PCDHA1: variants seen among roughly 807,000 people sequenced by gnomAD.
PCDHA1 encodes protocadherin alpha 1, also known as protocadherin alpha-1.
PCDHA1 carries 42 observed loss-of-function variants against 61.3 expected under a neutral mutation model. The ratio of observed to expected loss-of-function variants is 0.69; its 90% CI spans 0.54 to 0.89. The LOEUF (loss-of-function observed/expected upper bound fraction) is 0.89. Among genes scored for constraint, PCDHA1 ranks in the 40% least tolerant of loss-of-function variants. The pLI is 0.00. For synonymous variants in PCDHA1, 610 were observed against 553.8 expected (o/e 1.10, Z -1.43); for missense variants, 1,256 against 1,235.3 (o/e 1.02, Z -0.25).
chr5:140,885,819 A>G (rs1488283542), intron 1 of PCDHA1, among the ~76,000 whole-genome samples: 1 of 152,032 alleles, frequency 6.6e-6, no homozygotes, highest in Non-Finnish European at 1.5e-5. Flanking sequence ...TTTGTATTTG[A>G]TCTTCTTTGA....
At chr5:140,840,195 GA>G (rs1173726690) in intron 1 of PCDHA1, among the ~76,000 whole-genome samples, 15 of 152,034 alleles carry the variant, frequency 9.9e-5, no homozygotes, top group African/African-American at 3.6e-4. Context: ...GTAGGCAAAG[GA>G]AAAGAAGTCA....
At chr5:140,843,344 G>T in intron 1 of PCDHA1, 1 of 1,596,078 alleles carries the variant, frequency 6.3e-7, no homozygotes, top group Non-Finnish European at 8.6e-7. Flanking sequence ...GAGCGGCCAG[G>T]CTCCAAAAGC....
intron 1 of PCDHA1, among the ~76,000 whole-genome samples, chr5:140,873,375 T>G (rs251375): frequency 0.44 from 67,180 of 152,024 alleles, 15,319 homozygotes; most frequent in South Asian, 0.58. Flanking sequence ...GAAGATCTTT[T>G]AAAGACTTGG....
chr5:140,800,250 T>C (rs920747845), intron 1 of PCDHA1, among the ~76,000 whole-genome samples: 2 of 152,154 alleles, frequency 1.3e-5, no homozygotes, highest in Non-Finnish European at 2.9e-5. Context: ...ATTCCCACAA[T>C]AGGAAACAAA....
intron 1 of PCDHA1, among the ~76,000 whole-genome samples, chr5:140,904,512 C>A (rs1251570223): frequency 2.0e-5 from 3 of 151,738 alleles, no homozygotes; most frequent in African/African-American, 7.3e-5. Flanking sequence ...GTGAATTGTG[C>A]TGCTATAAAC....
Position 140,974,189 on chromosome 5 carries a change from G to T in PCDHA1, c.2395-4760G>T, listed in dbSNP as rs146863475. On this transcript the variant is annotated intron_variant, in intron 1 of 3. Transcript: ENST00000504120. ...AGAATTTTAACTTGACAAATGCAAA[G>T]GAATATCCAACATTGCAAAGGTAAA... Among the ~76,000 whole-genome samples the T allele has an allele frequency of 7.6e-3, 1,163 of 152,258 alleles. 4 individuals carry two copies. The highest frequency in any genetic ancestry group is 0.014 in the Middle Eastern group (4 of 294).
intron 1 of PCDHA1, chr5:140,864,826 T>C (rs1297675845): frequency 6.6e-6 from 1 of 152,188 alleles, no homozygotes; most frequent in African/African-American, 2.4e-5. Flanking sequence ...ATTTGGGCTT[T>C]AAGTATAAGA....
At chr5:140,809,878 C>A in intron 1 of PCDHA1, 1 of 246,876 alleles carries the variant, frequency 4.1e-6, no homozygotes, top group Non-Finnish European at 7.7e-6. Context: ...TATTATTTAA[C>A]CTATTACATA....
intron 1 of PCDHA1, chr5:140,969,349 G>A (rs782345683): frequency 3.1e-5 from 50 of 1,612,958 alleles, no homozygotes; most frequent in Non-Finnish European, 4.2e-5. Context: ...AGTGGTCAGG[G>A]GGTCTTCTAC....
At position 140,875,233 on chromosome 5, in the gene PCDHA1, G is replaced by A. The variant is rs1379502066; in HGVS notation, c.2394+86549G>A. Reference sequence around the variant, plus strand: ...CGAAAAGAACCTCAGGATCTTTCTTGTACTTACATAATCAGTCACATGATG... The same window carrying A: ...CGAAAAGAACCTCAGGATCTTTCTTATACTTACATAATCAGTCACATGATG... On this transcript the variant is annotated intron_variant, in intron 1 of 3. Coordinates refer to ENST00000504120, the MANE Select transcript of PCDHA1 (RefSeq NM_018900.4). The A allele has an allele frequency of 3.5e-6, 3 of 863,762 alleles. No individual in the cohort carries two copies. The African/African-American group carries it at 5.1e-5, about 15-fold the overall frequency. The allele number at this position is 863,762 out of a possible 1,614,324, so 53.5% of individuals were successfully genotyped here. A position where few individuals can be genotyped will look rare whatever the true frequency, so the allele number is the denominator to read the frequency against.
At chr5:140,804,394 A>C (rs1554123068) in intron 1 of PCDHA1, 4 of 152,040 alleles carry the variant, frequency 2.6e-5, no homozygotes, top group African/African-American at 7.2e-5. Context: ...GTGAAAATTT[A>C]ATAGTTGTAT....
At chr5:140,848,251 T>C (rs1419799302) in intron 1 of PCDHA1, 3 of 465,726 alleles carry the variant, frequency 6.4e-6, no homozygotes, top group Non-Finnish European at 1.1e-5. Flanking sequence ...GCAGAATAAC[T>C]GTGAAATTTT....
intron 1 of PCDHA1, among the ~76,000 whole-genome samples, chr5:140,910,741 ATAAAT>A (rs2075151736): frequency 6.6e-6 from 1 of 152,142 alleles, no homozygotes; most frequent in African/African-American, 2.4e-5. Flanking sequence ...AACCAAGCAC[ATAAAT>A]TATCAGAACC....
In PCDHA1 at chr5:140,809,350, G is replaced by A. The variant is rs782451445; in HGVS notation, c.2394+20666G>A. ...TCACGCTGCTGCTGTACACCGCGCT[G>A]CGGTGCTCTGCGCTGCCCACCGAGG... On this transcript the variant is annotated intron_variant, in intron 1 of 3. Transcript: ENST00000504120. 4 of 1,613,926 alleles carry A rather than the reference G, an allele frequency of 2.5e-6. No homozygotes were observed. In the African/African-American group the frequency reaches 5.3e-5, roughly 22 times the overall value.
intron 1 of PCDHA1, chr5:140,815,810 TTA>T (rs1765796922): frequency 6.6e-6 from 1 of 152,208 alleles, no homozygotes; most frequent in African/African-American, 2.4e-5. Flanking sequence ...GGGAAGGTCT[TTA>T]TCTCTTTTTC....
At chr5:140,991,022 C>T (rs1324609159) in intron 3 of PCDHA1, among the ~76,000 whole-genome samples, 1 of 152,164 alleles carries the variant, frequency 6.6e-6, no homozygotes, top group Non-Finnish European at 1.5e-5. Flanking sequence ...AAGCACTTTA[C>T]ATATGTTGCA....
In PCDHA1 at chr5:140,838,709, G is replaced by A. The variant is rs2150291711; in HGVS notation, c.2394+50025G>A. 7.4e-3 allele frequency among the ~76,000 whole-genome samples: 1,129 copies of A among 152,134 alleles called. 12 individuals carry two copies. The highest frequency in any genetic ancestry group is 0.014 in the Admixed American group (208 of 15,280). On this transcript the variant is annotated intron_variant, in intron 1 of 3. Transcript: ENST00000504120. ...CCAACATTTCGGGAGGCCGAGGCAG[G>A]AGGATTGCTTCAGTCTAGTAGTTTG...
intron 1 of PCDHA1, chr5:140,834,658 G>T (rs1554134403): frequency 6.2e-7 from 1 of 1,614,242 alleles, no homozygotes; most frequent in South Asian, 1.1e-5. Context: ...CGGATCGACC[G>T]CGAGGAGCTG....
rs1554262618 is a variant in PCDHA1, at chr5:141,009,958, C to T, written c.*21C>T. On this transcript the variant is annotated 3_prime_UTR_variant, in exon 4 of 4. Transcript: ENST00000504120. The stretch of plus-strand genomic sequence containing the variant: ...AGTGAGGTCCTCAAATGGAAACAAG[C>T]CACTTAGCCAGTTTTTGTAATAATG... 1.3e-6 allele frequency: 2 copies of T among 1,589,012 alleles called. No homozygotes were observed. The highest frequency in any genetic ancestry group is 1.7e-6 in the Non-Finnish European group (2 of 1,171,000).
Sources: allele counts gnomAD v4.1 joint callset (sites outside exome capture counted in the v4.1 genomes callset), GRCh38; gene constraint gnomAD v4.1.1; transcripts MANE v1.5; gene names NCBI Gene and HGNC (gene_info 2026-07-23, HGNC 2026-07-21).